Variants in CLVS1 observed in about 807,000 individuals in gnomAD.
The protein encoded by CLVS1 is clavesin-1.
A neutral mutation model predicts 33.1 loss-of-function variants in CLVS1; 10 were observed. That is an observed-to-expected ratio of 0.30 (90% confidence interval 0.19 to 0.51). The LOEUF (loss-of-function observed/expected upper bound fraction) is 0.51. Ranked by LOEUF, CLVS1 falls within the 20% of genes least tolerant of loss-of-function variation. The pLI is 0.97. For synonymous variants in CLVS1, 163 were observed against 166.1 expected (o/e 0.98, Z 0.14); for missense variants, 343 against 433.4 (o/e 0.79, Z 1.85).
At chr8:61,474,333 C>A (rs933919543) in intron 5 of CLVS1, among the ~76,000 whole-genome samples, 2 of 152,054 alleles carry the variant, frequency 1.3e-5, no homozygotes, top group African/African-American at 4.8e-5. Flanking sequence ...TCATAGGAAG[C>A]CTTCACAAGA....
Position 61,132,764 on chromosome 8 carries a change from G to T in CLVS1, c.-152+904G>T, listed in dbSNP as rs150833950. On this transcript the variant is annotated intron_variant, in intron 2 of 2. Transcript: ENST00000522621. ...GCTGCAGAGTGATGAAGTGGGGGAA[G>T]TTCCCCAGTGTCGCTGCTGGGACAC... Among the ~76,000 whole-genome samples the T allele has an allele frequency of 3.6e-3, 542 of 152,344 alleles. 4 individuals are homozygous for T. Among genetic ancestry groups the T allele is most frequent in the African/African-American group, 0.012 (479 of 41,586 alleles).
chr8:61,115,634 T>C (rs1805706963), intron 1 of CLVS1, among the ~76,000 whole-genome samples: 1 of 152,008 alleles, frequency 6.6e-6, no homozygotes, highest in African/African-American at 2.4e-5. Context: ...GTTTGGTTTT[T>C]TGTTCTTGCG....
chr8:61,185,411 C>G (rs1807326589), intron 2 of CLVS1, among the ~76,000 whole-genome samples: 2 of 151,562 alleles, frequency 1.3e-5, no homozygotes, highest in Admixed American at 1.3e-4. Flanking sequence ...GCCTCGGCCT[C>G]CAAAAGTCCT....
In CLVS1 at chr8:61,341,616, G is replaced by A. The variant is rs138878087; in HGVS notation, c.456-34989G>A. Among the ~76,000 whole-genome samples, 761 of 152,268 alleles carry A rather than the reference G, an allele frequency of 5.0e-3. 8 individuals are homozygous for A. The highest frequency in any genetic ancestry group is 0.017 in the African/African-American group (715 of 41,540). ...CCTGGGAATGCACACCTCCGTGAAC[G>A]GCAATCCAAGCTGATTTGTTTTGAG... On this transcript the variant is annotated intron_variant, in intron 2 of 5. Transcript: ENST00000325897.
At chr8:61,321,269 A>G (rs1246001230) in intron 2 of CLVS1, among the ~76,000 whole-genome samples, 1 of 151,940 alleles carries the variant, frequency 6.6e-6, no homozygotes. Context: ...CTGATGGGGC[A>G]CAGGCTCTCA....
intron 1 of CLVS1, among the ~76,000 whole-genome samples, chr8:61,110,913 C>A (rs749572980): frequency 1.3e-5 from 2 of 152,142 alleles, no homozygotes; most frequent in Non-Finnish European, 2.9e-5. Flanking sequence ...CATGTGTAGA[C>A]CACATTTTGT....
intron 1 of CLVS1, among the ~76,000 whole-genome samples, chr8:61,127,014 G>A (rs867451981): frequency 6.6e-6 from 1 of 152,162 alleles, no homozygotes; most frequent in Non-Finnish European, 1.5e-5. Flanking sequence ...AGATGGGGCT[G>A]CTCATGGTCT....
chr8:61,255,049 AC>A (rs910287803), intron 2 of CLVS1, among the ~76,000 whole-genome samples: 2 of 151,696 alleles, frequency 1.3e-5, no homozygotes, highest in Non-Finnish European at 2.9e-5. Context: ...TCTTGGCTTC[AC>A]CCCCCTATTT....
chr8:61,349,275 A>T (rs1307643947), intron 2 of CLVS1, among the ~76,000 whole-genome samples: 1 of 152,050 alleles, frequency 6.6e-6, no homozygotes, highest in African/African-American at 2.4e-5. Context: ...GAATTTCATT[A>T]AAAAAATTAT....
At chr8:61,152,796 A>G (rs551333901) in intron 2 of CLVS1, among the ~76,000 whole-genome samples, 31 of 152,308 alleles carry the variant, frequency 2.0e-4, no homozygotes, top group Non-Finnish European at 3.8e-4. Context: ...TCAAAATACT[A>G]TCACGTTGGG....
intron 1 of CLVS1, among the ~76,000 whole-genome samples, chr8:61,128,752 C>G (rs774987535): frequency 6.6e-6 from 1 of 152,238 alleles, no homozygotes; most frequent in Non-Finnish European, 1.5e-5. Flanking sequence ...TTTTCATTCT[C>G]AGCCCTGCCC....
At chr8:61,398,519 T>C (rs1173267942) in intron 3 of CLVS1, among the ~76,000 whole-genome samples, 8 of 152,072 alleles carry the variant, frequency 5.3e-5, no homozygotes, top group Non-Finnish European at 5.9e-5. Flanking sequence ...TATTTGTAGG[T>C]ATTTTATTGT....
At chr8:61,139,629 C>G (rs972262412) in intron 2 of CLVS1, among the ~76,000 whole-genome samples, 1 of 151,616 alleles carries the variant, frequency 6.6e-6, no homozygotes, top group African/African-American at 2.4e-5. Context: ...CTGCTGGGGC[C>G]AGGTGGAAGG....
intron 1 of CLVS1, among the ~76,000 whole-genome samples, chr8:61,068,101 G>T (rs1804715568): frequency 6.6e-6 from 1 of 151,296 alleles, no homozygotes; most frequent in Admixed American, 6.6e-5. Flanking sequence ...GACCCCAGAA[G>T]ATCGAGGCTG....
At chr8:61,238,243 GTTCC>G (rs926463028) in intron 2 of CLVS1, among the ~76,000 whole-genome samples, 14 of 152,036 alleles carry the variant, frequency 9.2e-5, no homozygotes, top group Admixed American at 2.0e-4. Flanking sequence ...TGCAGTTTTT[GTTCC>G]TTCCTTCCTT....
chr8:61,035,438 C>T, the CLVS1 span, among the ~76,000 whole-genome samples: 13 of 152,130 alleles, frequency 8.5e-5, no homozygotes, highest in South Asian at 1.0e-3. Flanking sequence ...CCTCAAAGGC[C>T]GAGAGAGATT....
At chr8:61,268,739 G>C (rs1407794121) in intron 2 of CLVS1, among the ~76,000 whole-genome samples, 2 of 126,030 alleles carry the variant, frequency 1.6e-5, no homozygotes, top group Non-Finnish European at 3.3e-5. Flanking sequence ...TCTCATTGTG[G>C]TTTTGATTTG....
intron 2 of CLVS1, among the ~76,000 whole-genome samples, chr8:61,325,021 A>G (rs7832496): frequency 0.11 from 17,352 of 152,152 alleles, 2,620 homozygotes; most frequent in African/African-American, 0.34. Flanking sequence ...TTGAAGTCCA[A>G]CTGGGCCATA....
At chr8:61,061,252 A>G (rs1804578100) in intron 1 of CLVS1, among the ~76,000 whole-genome samples, 1 of 152,146 alleles carries the variant, frequency 6.6e-6, no homozygotes, top group African/African-American at 2.4e-5. Flanking sequence ...GATTCTTCCA[A>G]TGCCAGCTTG....
Sources: gnomAD v4.1 joint callset for allele counts (sites outside exome capture counted in the v4.1 genomes callset) on GRCh38, gnomAD v4.1.1 for gene constraint, MANE v1.5 for transcripts, NCBI Gene and HGNC (gene_info 2026-07-23, HGNC 2026-07-21) for gene names.